The following LRMDA variants were observed in gnomAD, a reference collection of about 807,000 sequenced individuals.
The protein encoded by LRMDA is leucine-rich melanocyte differentiation-associated protein.
In LRMDA, 18 loss-of-function variants were observed where a neutral mutation model predicts 29.8. The ratio of observed to expected loss-of-function variants is 0.60; its 90% CI spans 0.42 to 0.90. LRMDA has a LOEUF of 0.90. LRMDA is among the 40% of genes least tolerant of loss of function. The probability of loss-of-function intolerance (pLI) is 0.00; values close to 1 mark genes in which losing one functional copy is unlikely to be tolerated. For missense variants in LRMDA, 273 were observed against 273.9 expected (o/e 1.00, Z 0.02); for synonymous variants, 125 against 109.4 (o/e 1.14, Z -0.89).
At chr10:75,561,526 T>C (rs1302670382) in intron 2 of LRMDA, among the ~76,000 whole-genome samples, 2 of 152,056 alleles carry the variant, frequency 1.3e-5, no homozygotes, top group African/African-American at 4.8e-5. Flanking sequence ...GAGTCTCTAT[T>C]TCCTTCAGTT....
At chr10:76,271,359 G>C (rs1840066015) in intron 5 of LRMDA, among the ~76,000 whole-genome samples, 1 of 151,798 alleles carries the variant, frequency 6.6e-6, no homozygotes, top group Non-Finnish European at 1.5e-5. Flanking sequence ...AGTAAGTCAA[G>C]ATCATGCCAC....
chr10:75,898,400 C>T (rs75583612), intron 2 of LRMDA, among the ~76,000 whole-genome samples: 11,202 of 152,178 alleles, frequency 0.074, 516 homozygotes, highest in Non-Finnish European at 0.11. Flanking sequence ...CAGAAACTTC[C>T]GTCCCAGCAT....
chr10:76,451,575 T>G (rs185380255), intron 6 of LRMDA, among the ~76,000 whole-genome samples: 3 of 152,192 alleles, frequency 2.0e-5, no homozygotes, highest in African/African-American at 7.2e-5. Flanking sequence ...CCAGATATAC[T>G]TTTCCATTTT....
Position 75,489,226 on chromosome 10 carries a change from T to TAAAA in LRMDA, c.131+50750_131+50753dup, listed in dbSNP as rs33952475. ...TATGTCAACCCCCTTGGATTTTTAG[T>TAAAA]AAAAAAAAAAAAAAAAAAAAATTTC... On this transcript the variant is annotated intron_variant, in intron 2 of 6. Coordinates refer to ENST00000611255, the MANE Select transcript of LRMDA (RefSeq NM_001305581.2). 2.5e-3 allele frequency among the ~76,000 whole-genome samples: 331 copies of TAAAA among 132,020 alleles called. 5 individuals are homozygous for TAAAA. Among genetic ancestry groups the TAAAA allele is most frequent in the African/African-American group, 7.4e-3 (258 of 35,000 alleles). 86.6% of individuals were successfully genotyped at this position (132,020 alleles called of 152,430 possible). A position where few individuals can be genotyped will look rare whatever the true frequency, so the allele number is the denominator to read the frequency against.
intron 6 of LRMDA, among the ~76,000 whole-genome samples, chr10:76,422,009 T>TG (rs1312450882): frequency 6.6e-6 from 1 of 152,292 alleles, no homozygotes; most frequent in East Asian, 1.9e-4. Context: ...CATGGGAAAC[T>TG]GGGCTGCAGA....
intron 5 of LRMDA, among the ~76,000 whole-genome samples, chr10:76,279,539 CTTTTTTTTT>C (rs759651873): frequency 1.1e-5 from 1 of 93,810 alleles, no homozygotes; most frequent in Non-Finnish European, 2.1e-5. Flanking sequence ...ACAAATGCTT[CTTTTTTTTT>C]TTTTTTTTTT....
intron 2 of LRMDA, among the ~76,000 whole-genome samples, chr10:75,876,132 G>T (rs1261692745): frequency 2.0e-5 from 3 of 152,218 alleles, no homozygotes; most frequent in Non-Finnish European, 4.4e-5. Flanking sequence ...TGATTGGAGG[G>T]CAGTGATTGG....
chr10:76,388,412 AT>A (rs1425463417), intron 6 of LRMDA, among the ~76,000 whole-genome samples: 1 of 152,178 alleles, frequency 6.6e-6, no homozygotes, highest in Non-Finnish European at 1.5e-5. Flanking sequence ...TTGACTGGAA[AT>A]GGGAATGATC....
chr10:76,158,885 G>A (rs180959166), intron 5 of LRMDA, among the ~76,000 whole-genome samples: 1 of 152,196 alleles, frequency 6.6e-6, no homozygotes, highest in East Asian at 1.9e-4. Flanking sequence ...ATTGTTTTGT[G>A]ATAATGAAAA....
intron 5 of LRMDA, among the ~76,000 whole-genome samples, chr10:76,081,517 T>C (rs1849049436): frequency 6.6e-6 from 1 of 152,192 alleles, no homozygotes; most frequent in African/African-American, 2.4e-5. Flanking sequence ...AAATCAGATA[T>C]AGCCACAGAT....
chr10:75,602,681 C>CA lies in LRMDA; in HGVS notation c.131+164187_131+164188insA, dbSNP rs555275624. ...CAGATGACTTTCATGTGTTTTCCTT[C>CA]CTCATTCATTTGATAGACATAGATG... On this transcript the variant is annotated intron_variant, in intron 2 of 6. Coordinates refer to ENST00000611255, the MANE Select transcript of LRMDA (RefSeq NM_001305581.2). 5.6e-4 allele frequency among the ~76,000 whole-genome samples: 86 copies of CA among 152,220 alleles called. 1 individual carries two copies. The Middle Eastern group carries it at 0.01, about 18-fold the overall frequency.
chr10:75,678,121 T>C (rs564500751), intron 2 of LRMDA, among the ~76,000 whole-genome samples: 69 of 152,284 alleles, frequency 4.5e-4, no homozygotes, highest in African/African-American at 1.7e-3. Flanking sequence ...TGTACACAGA[T>C]GTACAGAACC....
intron 5 of LRMDA, among the ~76,000 whole-genome samples, chr10:76,276,859 G>C (rs749839453): frequency 2.6e-5 from 4 of 152,090 alleles, no homozygotes; most frequent in African/African-American, 4.8e-5. Flanking sequence ...TTCCAATCTT[G>C]GTCCAGTTTT....
intron 2 of LRMDA, among the ~76,000 whole-genome samples, chr10:75,547,857 C>T (rs1332970074): frequency 3.3e-5 from 5 of 152,124 alleles, no homozygotes; most frequent in Non-Finnish European, 5.9e-5. Context: ...ATCCTCACCT[C>T]GAGTGGGTCC....
In LRMDA at chr10:76,192,862, C is replaced by T. The variant is rs185007286; in HGVS notation, c.517-131539C>T. Among the ~76,000 whole-genome samples, 239 of 152,194 alleles carry T rather than the reference C, an allele frequency of 1.6e-3. 1 individual carries two copies. The highest frequency in any genetic ancestry group is 5.5e-3 in the African/African-American group (228 of 41,508). ...GGTAGAGCTCAGACTTGCACTGCTC[C>T]GAACAATGTGTTGTGAAGTTAAATT... On this transcript the variant is annotated intron_variant, in intron 5 of 6. Coordinates refer to ENST00000611255, the MANE Select transcript of LRMDA (RefSeq NM_001305581.2).
intron 5 of LRMDA, among the ~76,000 whole-genome samples, chr10:76,204,071 C>A (rs1317435832): frequency 6.9e-6 from 1 of 144,420 alleles, no homozygotes; most frequent in Non-Finnish European, 1.5e-5. Flanking sequence ...CGTCTCTATT[C>A]CATGTGCCTG....
In LRMDA at chr10:75,596,231, C is replaced by T. The variant is rs536562744; in HGVS notation, c.131+157737C>T. On this transcript the variant is annotated intron_variant, in intron 2 of 6. Coordinates refer to ENST00000611255, the MANE Select transcript of LRMDA (RefSeq NM_001305581.2). ...AGCAGAGAGTATAAATATCACTTGC[C>T]CAATGTTACATAGCTCCTAAGTAAA... Among the ~76,000 whole-genome samples, 21 of 152,196 alleles carry T rather than the reference C, an allele frequency of 1.4e-4. 3 individuals are homozygous for T. Among genetic ancestry groups the T allele is most frequent in the African/African-American group, 4.8e-4 (20 of 41,526 alleles).
chr10:75,925,554 A>AG (rs920473588), intron 2 of LRMDA, among the ~76,000 whole-genome samples: 6 of 151,942 alleles, frequency 3.9e-5, no homozygotes, highest in East Asian at 1.9e-4. Context: ...AGTAGTTTGG[A>AG]GGGGGGGAGC....
At chr10:76,051,458 T>G (rs1197058149) in intron 4 of LRMDA, among the ~76,000 whole-genome samples, 1 of 152,238 alleles carries the variant, frequency 6.6e-6, no homozygotes, top group Non-Finnish European at 1.5e-5. Context: ...TGAGCTCACC[T>G]CGGCTCATTA....
Sources: allele counts gnomAD v4.1 joint callset (sites outside exome capture counted in the v4.1 genomes callset), GRCh38; gene constraint gnomAD v4.1.1; transcripts MANE v1.5; gene names NCBI Gene and HGNC (gene_info 2026-07-23, HGNC 2026-07-21).